KIAA1958: variants seen among roughly 807,000 people sequenced by gnomAD.
KIAA1958 encodes the protein uncharacterized protein KIAA1958.
A neutral mutation model predicts 47.2 loss-of-function variants in KIAA1958; 14 were observed. That is an observed-to-expected ratio of 0.30 (90% CI 0.20 to 0.46). The LOEUF (loss-of-function observed/expected upper bound fraction) is 0.46, where lower values mean the gene tolerates loss of function less well. Among genes scored for constraint, KIAA1958 ranks in the 20% least tolerant of loss-of-function variants. KIAA1958 has a pLI of 1.00. For synonymous variants in KIAA1958, 354 were observed against 353.3 expected (o/e 1.00, Z -0.02); for missense variants, 803 against 909.2 (o/e 0.88, Z 1.50).
chr9:112,666,525 C>T lies in KIAA1958; in HGVS notation c.*6456C>T, dbSNP rs182175190. The T allele has an allele frequency of 4.6e-5, 7 of 152,298 alleles. No homozygotes were observed. The highest frequency in any genetic ancestry group is 3.9e-4 in the Admixed American group (6 of 15,300). The allele number at this position is 152,298 out of a possible 1,614,324, so 9.4% of individuals were successfully genotyped here. A position where few individuals can be genotyped will look rare whatever the true frequency, so the allele number is the denominator to read the frequency against. ...TTTTTTTAAATTAATAGAGCTGCAT[C>T]TGGCAAAATGACATCCGGCTCACAG... is the stretch of plus-strand genomic sequence containing the variant. On this transcript the variant is annotated 3_prime_UTR_variant, in exon 4 of 4. Transcript: ENST00000337530.
intron 1 of KIAA1958, among the ~76,000 whole-genome samples, chr9:112,542,628 G>T (rs62568600): frequency 0.11 from 16,827 of 152,166 alleles, 1,379 homozygotes; most frequent in East Asian, 0.19. Flanking sequence ...TATCTTCAGT[G>T]AATTGATCTA....
In KIAA1958 at chr9:112,618,501, C is replaced by A. The variant is rs1272519164; in HGVS notation, c.1172-27149C>A. On this transcript the variant is annotated intron_variant, in intron 2 of 3. Transcript: ENST00000337530. This position sits in a 1 kb window ranked among gnomAD's most constrained non-coding sequence, Gnocchi z 7.1. ...AATGCCAAAACCAAGAGAGGGGGGA[C>A]AGACTCCCGTGTGTATGCCACCCAG... The A allele has an allele frequency of 3.9e-6, 6 of 1,550,624 alleles. No individual in the cohort carries two copies. In the Admixed American group the frequency reaches 1.2e-4, roughly 30 times the overall value.
intron 3 of KIAA1958, among the ~76,000 whole-genome samples, chr9:112,656,781 A>G (rs1837159409): frequency 6.6e-6 from 1 of 152,134 alleles, no homozygotes; most frequent in Non-Finnish European, 1.5e-5. Context: ...GAGATCCTTT[A>G]CCTTTTATTG....
At position 112,660,462 on chromosome 9, in the gene KIAA1958, C is replaced by T. The variant is rs186382107; in HGVS notation, c.*393C>T. On this transcript the variant is annotated 3_prime_UTR_variant, in exon 4 of 4. Transcript: ENST00000337530. ...TCCCAGTAGCGCAGTAGCTTTAGAA[C>T]GTTAGGAAGACTGTACACTTTGTTG... The T allele has an allele frequency of 7.6e-5, 15 of 197,216 alleles. No individual in the cohort carries two copies. The East Asian group carries it at 1.3e-3, about 17-fold the overall frequency. 12.2% of individuals were successfully genotyped at this position (197,216 alleles called of 1,614,324 possible).
chr9:112,595,558 G>T lies in KIAA1958; in HGVS notation c.1171+20307G>T, dbSNP rs546463330. On this transcript the variant is annotated intron_variant, in intron 2 of 3. Transcript: ENST00000337530. ...TACCTGTAACCCCAGCTACTGGGGT[G>T]GGGTGGGGGTAGGCGGAGCTGAGGC... Among the ~76,000 whole-genome samples, 6 of 151,812 alleles carry T rather than the reference G, an allele frequency of 4.0e-5. No individual in the cohort carries two copies. The South Asian group carries it at 8.3e-4, about 21-fold the overall frequency.
chr9:112,632,719 GTTTATGT>G (rs1836731388), intron 2 of KIAA1958, among the ~76,000 whole-genome samples: 1 of 151,824 alleles, frequency 6.6e-6, no homozygotes, highest in Non-Finnish European at 1.5e-5. Flanking sequence ...TATGTCCTTG[GTTTATGT>G]TTTATAAGTA....
At chr9:112,599,327 TTAAAC>T (rs1417402048) in intron 2 of KIAA1958, among the ~76,000 whole-genome samples, 2 of 152,074 alleles carry the variant, frequency 1.3e-5, no homozygotes, top group African/African-American at 4.8e-5. Flanking sequence ...TTAAACTTTT[TTAAAC>T]TAAAGTTTAT....
In KIAA1958 at chr9:112,618,334, A is replaced by G. The variant is rs1329308670; in HGVS notation, c.1172-27316A>G. ...ATAACCCCGAGGGTTTGCTCAACCT[A>G]GTCTGGCTCAACAACACAAAAGCTT... On this transcript the variant is annotated intron_variant, in intron 2 of 3. Coordinates refer to ENST00000337530, the MANE Select transcript of KIAA1958 (RefSeq NM_133465.4). This position sits in a 1 kb window ranked among gnomAD's most constrained non-coding sequence, Gnocchi z 7.1. 3 of 1,551,276 alleles carry G rather than the reference A, an allele frequency of 1.9e-6. No homozygotes were observed. Among genetic ancestry groups the G allele is most frequent in the Admixed American group, 3.9e-5 (2 of 51,014 alleles).
intron 1 of KIAA1958, among the ~76,000 whole-genome samples, chr9:112,511,430 C>T (rs2132780160): frequency 6.6e-6 from 1 of 152,188 alleles, no homozygotes; most frequent in East Asian, 1.9e-4. Flanking sequence ...TGAAAGCAGT[C>T]AGTAGATTGT....
At chr9:112,492,765 T>C (rs1833990194) in intron 1 of KIAA1958, among the ~76,000 whole-genome samples, 1 of 152,204 alleles carries the variant, frequency 6.6e-6, no homozygotes, top group African/African-American at 2.4e-5. Context: ...TTTTTGTTTG[T>C]TTGAGACAGG....
chr9:112,495,065 T>C (rs991329628), intron 1 of KIAA1958, among the ~76,000 whole-genome samples: 4 of 151,980 alleles, frequency 2.6e-5, no homozygotes, highest in African/African-American at 9.7e-5. Context: ...ACTGTGGATG[T>C]GTGCCACCAC....
At chr9:112,587,744 A>G (rs998320439) in intron 2 of KIAA1958, among the ~76,000 whole-genome samples, 1 of 152,202 alleles carries the variant, frequency 6.6e-6, no homozygotes, top group Non-Finnish European at 1.5e-5. Context: ...ATGGCAATCA[A>G]TAAAACAGTA....
At chr9:112,544,025 A>G (rs780947844) in intron 1 of KIAA1958, among the ~76,000 whole-genome samples, 5 of 152,198 alleles carry the variant, frequency 3.3e-5, no homozygotes, top group Non-Finnish European at 5.9e-5. Flanking sequence ...ACTAAAGGAT[A>G]TGGATGGTAA....
At chr9:112,641,077 T>G (rs1167282032) in intron 2 of KIAA1958, among the ~76,000 whole-genome samples, 1 of 152,122 alleles carries the variant, frequency 6.6e-6, no homozygotes, top group Non-Finnish European at 1.5e-5. Context: ...CATTACTGAA[T>G]GTTAAAAATA....
chr9:112,495,630 A>G (rs1036300667), intron 1 of KIAA1958, among the ~76,000 whole-genome samples: 2 of 152,198 alleles, frequency 1.3e-5, no homozygotes, highest in Non-Finnish European at 2.9e-5. Context: ...GGCCATATCT[A>G]CTAAAACTGG....
At chr9:112,497,849 A>G (rs536911516) in intron 1 of KIAA1958, among the ~76,000 whole-genome samples, 1 of 152,264 alleles carries the variant, frequency 6.6e-6, no homozygotes, top group African/African-American at 2.4e-5. Context: ...ATTTGAGGAG[A>G]GTCCAAAACT....
At chr9:112,489,252 A>G (rs892823153) in intron 1 of KIAA1958, among the ~76,000 whole-genome samples, 4 of 152,246 alleles carry the variant, frequency 2.6e-5, no homozygotes, top group African/African-American at 9.6e-5. Flanking sequence ...AATATTTAAA[A>G]AAGATAAGCT....
chr9:112,591,240 C>G (rs554373229), intron 2 of KIAA1958, among the ~76,000 whole-genome samples: 1 of 152,056 alleles, frequency 6.6e-6, no homozygotes, highest in African/African-American at 2.4e-5. Flanking sequence ...CCCACCACCA[C>G]GCCCGGCTAA....
intron 1 of KIAA1958, among the ~76,000 whole-genome samples, chr9:112,558,167 G>T (rs933294608): frequency 6.6e-6 from 1 of 152,076 alleles, no homozygotes; most frequent in Non-Finnish European, 1.5e-5. Context: ...GGAAATTACA[G>T]TGAACCGAGA....
Sources: gnomAD v4.1 joint callset for allele counts (sites outside exome capture counted in the v4.1 genomes callset) on GRCh38, gnomAD v4.1.1 for gene constraint, Gnocchi (gnomAD v3.1) non-coding constraint, MANE v1.5 for transcripts, NCBI Gene and HGNC (gene_info 2026-07-23, HGNC 2026-07-21) for gene names.